The following SNX24 variants were observed in gnomAD, a reference collection of about 807,000 sequenced individuals.
SNX24 encodes the protein sorting nexin 24, also known as sorting nexin-24.
SNX24 carries 22 observed loss-of-function variants against 28.7 expected under a neutral mutation model. The observed-to-expected ratio is 0.77, with a 90% CI of 0.55 to 1.10. The LOEUF (loss-of-function observed/expected upper bound fraction) is 1.10, where lower values mean the gene tolerates loss of function less well. SNX24 is among the 50% of genes least tolerant of loss of function. The pLI is 0.00. For synonymous variants in SNX24, 69 were observed against 71.5 expected, an observed-to-expected ratio of 0.96 and a Z score of 0.18; for missense variants, 221 against 201.1, an observed-to-expected ratio of 1.10 and a Z score of -0.60.
chr5:122,894,113 T>C (rs1454381703), intron 1 of SNX24, among the ~76,000 whole-genome samples: 2 of 152,268 alleles, frequency 1.3e-5, no homozygotes, highest in Middle Eastern at 3.4e-3. Flanking sequence ...TTAGGCTCTT[T>C]TTATGAGGTT....
intron 1 of SNX24, among the ~76,000 whole-genome samples, chr5:122,934,589 A>C (rs1353543824): frequency 6.6e-6 from 1 of 152,034 alleles, no homozygotes; most frequent in Admixed American, 6.6e-5. Context: ...CAAACTCCTG[A>C]CCTCATGATC....
At chr5:122,972,959 C>G (rs1761017280) in intron 3 of SNX24, among the ~76,000 whole-genome samples, 1 of 152,176 alleles carries the variant, frequency 6.6e-6, no homozygotes, top group African/African-American at 2.4e-5. Context: ...TGCATAACCT[C>G]CATCCCTGAC....
Position 123,002,217 on chromosome 5 carries a change from C to T in SNX24, c.442+213C>T, listed in dbSNP as rs1762271314. 6 of 574,216 alleles carry T rather than the reference C, an allele frequency of 1.0e-5. No individual in the cohort carries two copies. The Admixed American group carries it at 1.2e-4, about 12-fold the overall frequency. 35.6% of individuals were successfully genotyped at this position (574,216 alleles called of 1,614,324 possible). A position where few individuals can be genotyped will look rare whatever the true frequency, so the allele number is the denominator to read the frequency against. ...TAATTTTTCTTTCTCTCTTACCAGA[C>T]TATTTTGAATTAGAGTAATAAGGAA... is the stretch of plus-strand genomic sequence containing the variant. On this transcript the variant is annotated intron_variant, in intron 6 of 6. Coordinates refer to ENST00000261369, the MANE Select transcript of SNX24 (RefSeq NM_014035.4).
chr5:122,985,608 C>T (rs531483042), intron 3 of SNX24, among the ~76,000 whole-genome samples: 46 of 152,292 alleles, frequency 3.0e-4, no homozygotes, highest in African/African-American at 1.1e-3. Context: ...TTATTGTTTC[C>T]TCAGCAAATC....
At chr5:122,874,017 G>T (rs555838703) in intron 1 of SNX24, among the ~76,000 whole-genome samples, 21 of 152,034 alleles carry the variant, frequency 1.4e-4, no homozygotes, top group Non-Finnish European at 2.9e-4. Flanking sequence ...TGATCCACCC[G>T]CCCTGGCCTC....
At chr5:122,970,164 C>CA (rs1760895616) in intron 3 of SNX24, among the ~76,000 whole-genome samples, 1 of 149,942 alleles carries the variant, frequency 6.7e-6, no homozygotes, top group Admixed American at 6.7e-5. Context: ...GGCTTACTCT[C>CA]AGAGTTTCTG....
chr5:122,923,203 G>A (rs1758521183), intron 1 of SNX24, among the ~76,000 whole-genome samples: 1 of 151,946 alleles, frequency 6.6e-6, no homozygotes, highest in Non-Finnish European at 1.5e-5. Flanking sequence ...GCCAGGCATG[G>A]TGGCATGTGC....
Position 122,916,031 on chromosome 5 carries a change from C to G in SNX24, c.61-20703C>G, listed in dbSNP as rs150062837. Among the ~76,000 whole-genome samples the G allele has an allele frequency of 6.0e-4, 91 of 152,326 alleles. 1 individual carries two copies. The highest frequency in any genetic ancestry group is 2.1e-3 in the African/African-American group (86 of 41,572). On this transcript the variant is annotated intron_variant, in intron 1 of 6. Coordinates refer to ENST00000261369, the MANE Select transcript of SNX24 (RefSeq NM_014035.4). ...CATGGCGAAGATGATTCATTGTGTC[C>G]TTAGTTCACTGTATTCCCATCCTGT... is the stretch of plus-strand genomic sequence containing the variant.
At chr5:122,944,619 C>G (rs1374349451) in intron 2 of SNX24, among the ~76,000 whole-genome samples, 1 of 152,142 alleles carries the variant, frequency 6.6e-6, no homozygotes, top group Non-Finnish European at 1.5e-5. Flanking sequence ...GTGGCAGTTT[C>G]ATGATCATCA....
chr5:122,898,271 T>A (rs1757288975), intron 1 of SNX24, among the ~76,000 whole-genome samples: 1 of 152,240 alleles, frequency 6.6e-6, no homozygotes, highest in South Asian at 2.1e-4. Flanking sequence ...CTATTTTCCC[T>A]GATACACGTA....
At position 122,887,992 on chromosome 5, in the gene SNX24, G is replaced by A. The variant is rs944797440; in HGVS notation, c.60+42299G>A. 4.6e-5 allele frequency among the ~76,000 whole-genome samples: 7 copies of A among 152,108 alleles called. No individual in the cohort carries two copies. In the South Asian group the frequency reaches 6.2e-4, roughly 14 times the overall value. On this transcript the variant is annotated intron_variant, in intron 1 of 6. Coordinates refer to ENST00000261369, the MANE Select transcript of SNX24 (RefSeq NM_014035.4). ...GCTGGGATTACAGGCGTGAGCCACC[G>A]CACTCGGCCTATATTGTATAAATAT...
chr5:122,904,130 G>A, intron 1 of SNX24, among the ~76,000 whole-genome samples: 1 of 151,886 alleles, frequency 6.6e-6, no homozygotes, highest in East Asian at 1.9e-4. Context: ...GCTTGAGAAT[G>A]ATAGATTGTT....
intron 1 of SNX24, among the ~76,000 whole-genome samples, chr5:122,888,080 G>C (rs906247521): frequency 2.6e-5 from 4 of 152,220 alleles, no homozygotes; most frequent in East Asian, 1.9e-4. Flanking sequence ...ACTTGCTTTT[G>C]ATTTATCCTA....
intron 3 of SNX24, among the ~76,000 whole-genome samples, chr5:122,978,707 C>A (rs769002203): frequency 4.6e-5 from 7 of 152,064 alleles, no homozygotes; most frequent in Non-Finnish European, 8.8e-5. Flanking sequence ...TGTGGTATGA[C>A]TGAAAGAAAC....
chr5:122,961,722 G>T (rs1449414578), intron 3 of SNX24, among the ~76,000 whole-genome samples: 1 of 152,076 alleles, frequency 6.6e-6, no homozygotes, highest in Non-Finnish European at 1.5e-5. Context: ...ATCTCTTTTT[G>T]ATCTGTTAAT....
chr5:123,021,068 T>C (rs1418155901), intron 5 of SNX24, among the ~76,000 whole-genome samples: 1 of 152,000 alleles, frequency 6.6e-6, no homozygotes, highest in African/African-American at 2.4e-5. Flanking sequence ...CCATCACTGA[T>C]GACCACTGTT....
intron 5 of SNX24, among the ~76,000 whole-genome samples, chr5:123,021,282 G>T (rs1468085732): frequency 1.3e-5 from 2 of 152,120 alleles, no homozygotes; most frequent in African/African-American, 4.8e-5. Context: ...GACACCATTT[G>T]TTTACAGCTC....
At chr5:122,896,610 A>AT in intron 1 of SNX24, among the ~76,000 whole-genome samples, 1 of 152,078 alleles carries the variant, frequency 6.6e-6, no homozygotes, top group African/African-American at 2.4e-5. Context: ...ACTTGCTCAT[A>AT]TTTTTTGCAG....
intron 3 of SNX24, among the ~76,000 whole-genome samples, chr5:122,949,909 T>A (rs887085591): frequency 6.6e-6 from 1 of 152,196 alleles, no homozygotes; most frequent in Non-Finnish European, 1.5e-5. Flanking sequence ...TATTTGGCAT[T>A]TGAGTAATTT....
Sources: allele counts gnomAD v4.1 joint callset (sites outside exome capture counted in the v4.1 genomes callset), GRCh38; gene constraint gnomAD v4.1.1; transcripts MANE v1.5; gene names NCBI Gene and HGNC (gene_info 2026-07-23, HGNC 2026-07-21).